APPBP2: variants seen among roughly 807,000 people sequenced by gnomAD.
APPBP2 encodes the protein amyloid beta precursor protein binding protein 2, also known as amyloid protein-binding protein 2.
APPBP2 carries 15 observed loss-of-function variants against 76.0 expected under a neutral mutation model. The ratio of observed to expected loss-of-function variants is 0.20; its 90% CI spans 0.13 to 0.30. The LOEUF (loss-of-function observed/expected upper bound fraction) is 0.30. APPBP2 is among the 10% of genes least tolerant of loss of function. APPBP2 has a pLI of 1.00. For synonymous variants in APPBP2, 222 were observed against 242.2 expected (o/e 0.92, Z 0.77); for missense variants, 401 against 687.2 (o/e 0.58, Z 4.66).
At chr17:60,511,267 A>C (rs1598373988) in intron 1 of APPBP2, among the ~76,000 whole-genome samples, 1 of 152,300 alleles carries the variant, frequency 6.6e-6, no homozygotes, top group East Asian at 1.9e-4. Context: ...TCCATGAGAC[A>C]AAAGGATAGG....
At chr17:60,472,738 T>A (rs112563104) in intron 4 of APPBP2, among the ~76,000 whole-genome samples, 1 of 152,170 alleles carries the variant, frequency 6.6e-6, no homozygotes, top group African/African-American at 2.4e-5. Flanking sequence ...ATTGAAAGAA[T>A]CTAGTTCCTT....
chr17:60,444,690 A>G lies in APPBP2; in HGVS notation c.*2891T>C, dbSNP rs896174657. The G allele has an allele frequency of 6.6e-6, 1 of 152,380 alleles. No individual in the cohort carries two copies. Among genetic ancestry groups the G allele is most frequent in the African/African-American group, 2.4e-5 (1 of 41,398 alleles). The allele number at this position is 152,380 out of a possible 1,614,324, so 9.4% of individuals were successfully genotyped here. A position where few individuals can be genotyped will look rare whatever the true frequency, so the allele number is the denominator to read the frequency against. On this transcript the variant is annotated 3_prime_UTR_variant, in exon 13 of 13. Coordinates refer to ENST00000083182, the MANE Select transcript of APPBP2 (RefSeq NM_006380.5). Reference sequence around the variant, plus strand: ...TCAGCTTTGAGGATCCATAAAGATTATGCTCTAAAAATTCCAATTGACTCT... The same window carrying G: ...TCAGCTTTGAGGATCCATAAAGATTGTGCTCTAAAAATTCCAATTGACTCT...
chr17:60,513,198 C>G (rs372523650), intron 1 of APPBP2: 2 of 365,258 alleles, frequency 5.5e-6, no homozygotes, highest in Admixed American at 9.3e-5. Context: ...GCAGTGCAAG[C>G]GGCCAAGAGG....
chr17:60,450,387 G>A (rs1322302139), intron 12 of APPBP2, among the ~76,000 whole-genome samples: 4 of 150,762 alleles, frequency 2.7e-5, no homozygotes, highest in South Asian at 2.1e-4. Context: ...GCAGTAAGCC[G>A]AGATCGCGCC....
At chr17:60,512,293 C>T (rs941494611) in intron 1 of APPBP2, among the ~76,000 whole-genome samples, 6 of 151,746 alleles carry the variant, frequency 4.0e-5, no homozygotes, top group South Asian at 2.1e-4. Flanking sequence ...TTAGTAGAGA[C>T]GGGGTTTCAC....
chr17:60,462,600 T>A (rs965913925), intron 6 of APPBP2: 13 of 152,436 alleles, frequency 8.5e-5, no homozygotes, highest in African/African-American at 3.1e-4. Context: ...GTTATTTTGA[T>A]CCATGATTAT....
rs2143320627 is a variant in APPBP2 at position 60,462,030 on chromosome 17, G to C, written c.794C>G (p.Ala265Gly). 2 of 1,613,408 alleles carry C rather than the reference G, an allele frequency of 1.2e-6. No homozygotes were observed. Among genetic ancestry groups the C allele is most frequent in the South Asian group, 2.2e-5 (2 of 91,072 alleles). The change falls in exon 7 of 13, where the codon GCA becomes GGA. Residue 265 changes from alanine to glycine, a missense_variant. Around this residue, in one of 5 missense-constraint regions of APPBP2, gnomAD observed 130 missense variants for 322.7 expected, o/e 0.40. Transcript: ENST00000083182. ...ACVVKREFKK[A>G]EQLIKHAVYL... is the part of the protein sequence containing the mutation. ...CACTGCATGTTTAATTAACTGTTCT[G>C]CCTTCTTAAATTCACGTTTTACTAC...
intron 1 of APPBP2, among the ~76,000 whole-genome samples, chr17:60,519,481 T>A (rs558581346): frequency 6.6e-6 from 1 of 151,204 alleles, no homozygotes; most frequent in South Asian, 2.1e-4. Context: ...TTTGTTGTTA[T>A]CTCCTACAGA....
At chr17:60,472,297 CTTTGTTGGAAGGTTTT>C (rs1340826365) in intron 4 of APPBP2, among the ~76,000 whole-genome samples, 3 of 152,134 alleles carry the variant, frequency 2.0e-5, no homozygotes, top group African/African-American at 7.2e-5. Flanking sequence ...CAGTCCTGGA[CTTTGTTGGAAGGTTTT>C]TGATTATGGA....
At chr17:60,451,066 T>C (rs149357847) in intron 12 of APPBP2, among the ~76,000 whole-genome samples, 181 of 152,340 alleles carry the variant, frequency 1.2e-3, no homozygotes, top group African/African-American at 4.2e-3. Flanking sequence ...GTTCCAAATG[T>C]TCATTAATAG....
chr17:60,467,911 G>A (rs540572517), intron 4 of APPBP2, among the ~76,000 whole-genome samples: 1 of 152,210 alleles, frequency 6.6e-6, no homozygotes, highest in Admixed American at 6.5e-5. Flanking sequence ...AGACTACAGT[G>A]AATAAAAGAT....
chr17:60,501,559 AT>A (rs532037776), intron 1 of APPBP2, among the ~76,000 whole-genome samples: 66 of 149,402 alleles, frequency 4.4e-4, no homozygotes, highest in African/African-American at 1.4e-3. Flanking sequence ...ACCATGCCTA[AT>A]TTTTTTTTTG....
At chr17:60,499,333 A>C (rs997189295) in intron 2 of APPBP2, among the ~76,000 whole-genome samples, 2 of 134,554 alleles carry the variant, frequency 1.5e-5, no homozygotes, top group African/African-American at 6.5e-5. Flanking sequence ...ACTGTGTCTC[A>C]AAAAAAAAAA....
At chr17:60,501,321 A>G (rs1372975854) in intron 1 of APPBP2, among the ~76,000 whole-genome samples, 1 of 152,114 alleles carries the variant, frequency 6.6e-6, no homozygotes, top group Non-Finnish European at 1.5e-5. Flanking sequence ...CCTGTCTCAA[A>G]AAAATTATAA....
chr17:60,455,731 C>T (rs2143298942), intron 10 of APPBP2, among the ~76,000 whole-genome samples: 1 of 152,224 alleles, frequency 6.6e-6, no homozygotes, highest in Non-Finnish European at 1.5e-5. Flanking sequence ...TTAATGCATG[C>T]ATGAGTGAAT....
intron 1 of APPBP2, among the ~76,000 whole-genome samples, chr17:60,510,642 G>C (rs1249189633): frequency 1.3e-5 from 2 of 152,046 alleles, no homozygotes; most frequent in African/African-American, 2.4e-5. Flanking sequence ...CCTGAGCCTG[G>C]GAGGTTGAGG....
At position 60,494,475 on chromosome 17, in the gene APPBP2, A is replaced by G. The variant is rs1871104592; in HGVS notation, c.370T>C (p.Phe124Leu). The change falls in exon 3 of 13, where the codon TTT becomes CTT. Residue 124 changes from phenylalanine to leucine, a missense_variant. By Grantham distance (22) the Phe-to-Leu change is conservative. Transcript: ENST00000083182. ...TTCCACCATTACTTACCTAAAACAA[A>G]GCCAACCTGAATGGCTTTTTCCTTT... is the stretch of plus-strand genomic sequence containing the variant. The part of the protein sequence containing the change: ...AVKEKAIQVG[F>L]VLGGFLSDAG... 6.2e-7 allele frequency: 1 copy of G among 1,607,482 alleles called. No homozygotes were observed. Among genetic ancestry groups the G allele is most frequent in the Non-Finnish European group, 8.5e-7 (1 of 1,178,690 alleles).
At chr17:60,489,449 A>G (rs1361441098) in intron 3 of APPBP2, among the ~76,000 whole-genome samples, 2 of 151,744 alleles carry the variant, frequency 1.3e-5, no homozygotes, top group African/African-American at 4.8e-5. Context: ...CATCTCTACT[A>G]AAAACACAAA....
At chr17:60,519,838 C>T (rs1047813264) in intron 1 of APPBP2, among the ~76,000 whole-genome samples, 3 of 138,776 alleles carry the variant, frequency 2.2e-5, no homozygotes, top group African/African-American at 5.6e-5. Flanking sequence ...GGCTGGAGTA[C>T]GGTGATGCAA....
Sources: allele counts gnomAD v4.1 joint callset (sites outside exome capture counted in the v4.1 genomes callset), GRCh38; gene constraint gnomAD v4.1.1; regional missense constraint gnomAD v4.1.1; transcripts MANE v1.5; gene names NCBI Gene and HGNC (gene_info 2026-07-23, HGNC 2026-07-21).